The following RGS7 variants were observed in gnomAD, a reference collection of about 807,000 sequenced individuals.
RGS7 encodes the protein regulator of G-protein signaling 7.
In RGS7, 27 loss-of-function variants were observed where a neutral mutation model predicts 81.1. That is an observed-to-expected ratio of 0.33 (90% CI 0.25 to 0.46). The LOEUF is 0.46. Ranked by LOEUF, RGS7 falls within the 20% of genes least tolerant of loss-of-function variation. The probability of loss-of-function intolerance (pLI) is 1.00; values close to 1 mark genes in which losing one functional copy is unlikely to be tolerated. For missense variants in RGS7, 396 were observed against 607.4 expected (o/e 0.65, Z 3.66); for synonymous variants, 208 against 207.7 (o/e 1.00, Z -0.01).
At chr1:240,980,732 T>A (rs1213030704) in intron 4 of RGS7, among the ~76,000 whole-genome samples, 2 of 152,226 alleles carry the variant, frequency 1.3e-5, no homozygotes, top group Non-Finnish European at 2.9e-5. Flanking sequence ...AGAACAATCA[T>A]TAATGTTTCT....
intron 6 of RGS7, among the ~76,000 whole-genome samples, chr1:240,887,226 G>GTTT (rs71297739): frequency 0.052 from 3,976 of 76,024 alleles, 355 homozygotes; most frequent in African/African-American, 0.14. Context: ...GAGTATATAG[G>GTTT]TTTTTTTTTT....
In RGS7 at chr1:241,048,736, C is replaced by T. The variant is rs146190512; in HGVS notation, c.175+49930G>A. On this transcript the variant is annotated intron_variant, in intron 3 of 18. Transcript: ENST00000440928. ...TTTCTGTTTCCCTGGTCTTTTCATC[C>T]CATTCTTATGCATCATATGAGCTTT... Among the ~76,000 whole-genome samples the T allele has an allele frequency of 1.1e-3, 164 of 152,282 alleles. 1 individual carries two copies. The highest frequency in any genetic ancestry group is 3.6e-3 in the African/African-American group (151 of 41,560).
At chr1:240,939,444 CTCTT>C (rs1463108638) in intron 4 of RGS7, among the ~76,000 whole-genome samples, 1 of 152,146 alleles carries the variant, frequency 6.6e-6, no homozygotes, top group Non-Finnish European at 1.5e-5. Flanking sequence ...TCATCTTATT[CTCTT>C]TTTTTTTGAC....
intron 3 of RGS7, among the ~76,000 whole-genome samples, chr1:241,056,293 G>A (rs1292452453): frequency 6.6e-6 from 1 of 152,050 alleles, no homozygotes; most frequent in African/African-American, 2.4e-5. Context: ...CTCCTGCTAG[G>A]CATCTTATCT....
intron 2 of RGS7, among the ~76,000 whole-genome samples, chr1:241,202,400 A>G (rs1915880): frequency 0.1 from 15,484 of 152,228 alleles, 1,300 homozygotes; most frequent in East Asian, 0.4. Context: ...AATCACTGAC[A>G]AAAGGCAGAT....
intron 2 of RGS7, among the ~76,000 whole-genome samples, chr1:241,159,677 A>G (rs1278087345): frequency 6.6e-6 from 1 of 152,186 alleles, no homozygotes; most frequent in Non-Finnish European, 1.5e-5. Flanking sequence ...TAGAAGAAAG[A>G]CATCAAAGTC....
At chr1:240,933,043 C>G (rs990117292) in intron 5 of RGS7, among the ~76,000 whole-genome samples, 1 of 148,696 alleles carries the variant, frequency 6.7e-6, no homozygotes, top group African/African-American at 2.5e-5. Context: ...GCACCACGCC[C>G]GGCTAATTTT....
intron 9 of RGS7, among the ~76,000 whole-genome samples, chr1:240,849,257 T>A (rs921298381): frequency 1.3e-5 from 2 of 152,228 alleles, no homozygotes; most frequent in African/African-American, 4.8e-5. Context: ...TTGTAAGTTC[T>A]ACCTTACTCA....
Position 240,978,118 on chromosome 1 carries a change from C to G in RGS7, c.226+4961G>C, listed in dbSNP as rs535541848. 2.9e-4 allele frequency among the ~76,000 whole-genome samples: 44 copies of G among 152,170 alleles called. 1 individual carries two copies. Among genetic ancestry groups the G allele is most frequent in the Non-Finnish European group, 5.4e-4 (37 of 68,028 alleles). On this transcript the variant is annotated intron_variant, in intron 4 of 18. Coordinates refer to ENST00000440928, the MANE Select transcript of RGS7 (RefSeq NM_001364886.1). ...TTAACCAGAATGCCAACTCCAGCTG[C>G]AAAGTGGAGACGATCCCACTGACAT...
chr1:241,186,881 G>A (rs1452418763), intron 2 of RGS7, among the ~76,000 whole-genome samples: 2 of 152,106 alleles, frequency 1.3e-5, no homozygotes, highest in African/African-American at 4.8e-5. Flanking sequence ...TGGATTCAAT[G>A]TTGGATAAGA....
At chr1:240,963,623 G>T (rs1269903475) in intron 4 of RGS7, among the ~76,000 whole-genome samples, 20 of 152,136 alleles carry the variant, frequency 1.3e-4, no homozygotes, top group Admixed American at 1.3e-3. Context: ...CAGCAAATAA[G>T]GTTTCAGTGT....
chr1:240,902,193 T>C (rs1670121376), intron 6 of RGS7, among the ~76,000 whole-genome samples: 1 of 152,232 alleles, frequency 6.6e-6, no homozygotes, highest in Non-Finnish European at 1.5e-5. Context: ...CTAATGTTTC[T>C]TGTCAACTAT....
At chr1:241,349,802 A>G (rs1055113669) in intron 2 of RGS7, among the ~76,000 whole-genome samples, 1 of 152,222 alleles carries the variant, frequency 6.6e-6, no homozygotes, top group African/African-American at 2.4e-5. Context: ...GTTTTCCACA[A>G]TCTTGTTTTC....
chr1:241,055,933 C>T (rs1247831897), intron 3 of RGS7, among the ~76,000 whole-genome samples: 2 of 152,090 alleles, frequency 1.3e-5, no homozygotes, highest in Non-Finnish European at 2.9e-5. Flanking sequence ...AAGAGGAATG[C>T]CAAATGTATT....
At chr1:241,304,108 T>A (rs546454940) in intron 2 of RGS7, among the ~76,000 whole-genome samples, 5 of 152,316 alleles carry the variant, frequency 3.3e-5, no homozygotes, top group African/African-American at 9.6e-5. Context: ...TTTTATTAAT[T>A]TTTTGAGAGA....
intron 9 of RGS7, among the ~76,000 whole-genome samples, chr1:240,846,341 A>G (rs965563357): frequency 7.9e-5 from 12 of 152,198 alleles, no homozygotes; most frequent in African/African-American, 2.4e-4. Flanking sequence ...GTGAGTGGTG[A>G]GAGACATTCT....
intron 10 of RGS7, among the ~76,000 whole-genome samples, chr1:240,825,814 G>A (rs1169796984): frequency 6.6e-6 from 1 of 152,136 alleles, no homozygotes; most frequent in African/African-American, 2.4e-5. Context: ...ATATGGTGCC[G>A]AAGAGAGAGT....
intron 2 of RGS7, among the ~76,000 whole-genome samples, chr1:241,250,835 C>CTA (rs1399377502): frequency 6.6e-6 from 1 of 152,214 alleles, no homozygotes; most frequent in Non-Finnish European, 1.5e-5. Context: ...GATGATAAGG[C>CTA]TAAGCCCTGT....
chr1:240,892,513 AT>A (rs986253749), intron 6 of RGS7, among the ~76,000 whole-genome samples: 3 of 152,122 alleles, frequency 2.0e-5, no homozygotes, highest in Non-Finnish European at 4.4e-5. Context: ...ACAGCCCTAC[AT>A]TTTTCTTTCT....
Sources: gnomAD v4.1 joint callset for allele counts (sites outside exome capture counted in the v4.1 genomes callset) on GRCh38, gnomAD v4.1.1 for gene constraint, MANE v1.5 for transcripts, NCBI Gene and HGNC (gene_info 2026-07-23, HGNC 2026-07-21) for gene names.